PCSK2: variants seen among roughly 807,000 people sequenced by gnomAD.
PCSK2 encodes the protein neuroendocrine convertase 2.
PCSK2 carries 14 observed loss-of-function variants against 69.7 expected under a neutral mutation model. That is an observed-to-expected ratio of 0.20 (90% CI 0.13 to 0.31). The LOEUF is 0.31. Ranked by LOEUF, PCSK2 falls within the 10% of genes least tolerant of loss-of-function variation. The pLI is 1.00. For synonymous variants in PCSK2, 307 were observed against 320.7 expected, an observed-to-expected ratio of 0.96 and a Z score of 0.46; for missense variants, 544 against 842.5, an observed-to-expected ratio of 0.65 and a Z score of 4.39.
At chr20:17,402,153 T>C (rs2031652738) in intron 5 of PCSK2, among the ~76,000 whole-genome samples, 1 of 152,206 alleles carries the variant, frequency 6.6e-6, no homozygotes, top group South Asian at 2.1e-4. Context: ...CTTCCTGCAA[T>C]ACAGCTGCAC....
At chr20:17,228,710 C>G (rs1188539574) in intron 1 of PCSK2, among the ~76,000 whole-genome samples, 4 of 152,128 alleles carry the variant, frequency 2.6e-5, no homozygotes, top group Non-Finnish European at 5.9e-5. Context: ...CCAAGCCTCC[C>G]GCCTCTCTCC....
intron 2 of PCSK2, among the ~76,000 whole-genome samples, chr20:17,336,868 G>A (rs1990367212): frequency 6.6e-6 from 1 of 152,088 alleles, no homozygotes; most frequent in African/African-American, 2.4e-5. Context: ...CGGAGGCTGG[G>A]GTCTGCATCC....
chr20:17,477,402 G>A (rs754904620), intron 11 of PCSK2, among the ~76,000 whole-genome samples: 21 of 151,884 alleles, frequency 1.4e-4, no homozygotes, highest in Non-Finnish European at 3.1e-4. Context: ...AAACAGAACA[G>A]ATAGCAAGTT....
intron 2 of PCSK2, among the ~76,000 whole-genome samples, chr20:17,325,102 C>T (rs555502344): frequency 2.0e-5 from 3 of 152,292 alleles, no homozygotes; most frequent in East Asian, 1.9e-4. Context: ...CAAATGCATG[C>T]ACAACAGCTT....
rs906149058 is a variant in PCSK2, at chr20:17,330,435, T to TA, written c.283-27883dup. Among the ~76,000 whole-genome samples the TA allele has an allele frequency of 2.7e-5, 4 of 150,722 alleles. No individual in the cohort carries two copies. In the South Asian group the frequency reaches 6.3e-4, roughly 24 times the overall value. On this transcript the variant is annotated intron_variant, in intron 2 of 11. Coordinates refer to ENST00000262545, the MANE Select transcript of PCSK2 (RefSeq NM_002594.5). ...GGCGAAACCCCGTCTCTACTAAAAA[T>TA]AAAAAAAAATTAGTTGGGCATGGTG...
intron 6 of PCSK2, among the ~76,000 whole-genome samples, chr20:17,414,844 A>C (rs904812368): frequency 2.0e-5 from 3 of 152,224 alleles, no homozygotes; most frequent in African/African-American, 7.2e-5. Flanking sequence ...GCCACGATCA[A>C]GTCAGCTTCA....
intron 5 of PCSK2, among the ~76,000 whole-genome samples, chr20:17,402,755 C>T (rs1041991916): frequency 2.7e-5 from 4 of 150,710 alleles, no homozygotes; most frequent in African/African-American, 9.8e-5. Context: ...GAGATCAAGA[C>T]CATCCTGGCT....
intron 4 of PCSK2, among the ~76,000 whole-genome samples, chr20:17,363,902 A>G (rs1355301904): frequency 6.6e-6 from 1 of 152,226 alleles, no homozygotes; most frequent in Non-Finnish European, 1.5e-5. Flanking sequence ...GAGGCAAGAA[A>G]CTGCCCAAAG....
chr20:17,276,571 C>T (rs1437621302), intron 2 of PCSK2, among the ~76,000 whole-genome samples: 1 of 151,680 alleles, frequency 6.6e-6, no homozygotes, highest in Non-Finnish European at 1.5e-5. Context: ...ATTGTGAGTC[C>T]TTAAGTACTA....
intron 2 of PCSK2, among the ~76,000 whole-genome samples, chr20:17,323,606 T>G (rs573653959): frequency 6.6e-6 from 1 of 152,222 alleles, no homozygotes; most frequent in East Asian, 1.9e-4. Context: ...GTTCTGCATA[T>G]TTTAAACTTT....
At chr20:17,359,295 G>A (rs1280548196) in intron 3 of PCSK2, among the ~76,000 whole-genome samples, 4 of 152,286 alleles carry the variant, frequency 2.6e-5, no homozygotes, top group Non-Finnish European at 4.4e-5. Flanking sequence ...ATGGAAGTCC[G>A]AAAATCCAAT....
chr20:17,271,864 A>G (rs969675891), intron 2 of PCSK2, among the ~76,000 whole-genome samples: 1 of 152,094 alleles, frequency 6.6e-6, no homozygotes, highest in African/African-American at 2.4e-5. Context: ...TTTTCCATGC[A>G]CTACCATTTT....
chr20:17,322,638 A>T (rs1156439942), intron 2 of PCSK2, among the ~76,000 whole-genome samples: 1 of 152,188 alleles, frequency 6.6e-6, no homozygotes, highest in Non-Finnish European at 1.5e-5. Context: ...CAAGGCCAGC[A>T]GTTATGGGGT....
chr20:17,350,725 A>G (rs757419015), intron 2 of PCSK2, among the ~76,000 whole-genome samples: 2 of 152,134 alleles, frequency 1.3e-5, no homozygotes, highest in African/African-American at 4.8e-5. Flanking sequence ...CTCAACCGTA[A>G]CAATACCAAC....
intron 2 of PCSK2, among the ~76,000 whole-genome samples, chr20:17,267,476 T>C (rs1043172164): frequency 6.6e-6 from 1 of 152,172 alleles, no homozygotes; most frequent in Non-Finnish European, 1.5e-5. Flanking sequence ...TTTCAGAATG[T>C]GGCAGGGAGG....
chr20:17,413,462 C>A (rs1177661613), intron 6 of PCSK2, among the ~76,000 whole-genome samples: 1 of 152,162 alleles, frequency 6.6e-6, no homozygotes, highest in Non-Finnish European at 1.5e-5. Context: ...GTAAAGGGAT[C>A]AATTCAACAA....
chr20:17,278,579 A>T (rs571267728), intron 2 of PCSK2, among the ~76,000 whole-genome samples: 7 of 152,150 alleles, frequency 4.6e-5, no homozygotes, highest in African/African-American at 1.7e-4. Context: ...GTGGGGTGGG[A>T]GGAGAGGGGA....
At chr20:17,430,333 T>G (rs534584160) in intron 7 of PCSK2, among the ~76,000 whole-genome samples, 9 of 152,338 alleles carry the variant, frequency 5.9e-5, no homozygotes, top group Admixed American at 3.9e-4. Context: ...TCAAATTGAT[T>G]CTTAATTTAT....
intron 2 of PCSK2, among the ~76,000 whole-genome samples, chr20:17,262,924 C>T (rs572420803): frequency 4.6e-5 from 7 of 152,268 alleles, no homozygotes; most frequent in South Asian, 2.1e-4. Context: ...ACGTTAACTA[C>T]GGTTGCAGCC....
Sources: allele counts gnomAD v4.1 joint callset (sites outside exome capture counted in the v4.1 genomes callset), GRCh38; gene constraint gnomAD v4.1.1; transcripts MANE v1.5; gene names NCBI Gene and HGNC (gene_info 2026-07-23, HGNC 2026-07-21).